GRIA2: variants seen among roughly 807,000 people sequenced by gnomAD.
The protein encoded by GRIA2 is glutamate receptor 2.
Under a neutral mutation model 97.3 loss-of-function variants are expected in GRIA2, and 14 were observed. That is an observed-to-expected ratio of 0.14 (90% confidence interval 0.10 to 0.23). The LOEUF is 0.23. Among genes scored for constraint, GRIA2 ranks in the 10% least tolerant of loss-of-function variants. GRIA2 has a pLI of 1.00. For missense variants in GRIA2, 558 were observed against 1,069.8 expected, an observed-to-expected ratio of 0.52 and a Z score of 6.67; for synonymous variants, 412 against 387.8, an observed-to-expected ratio of 1.06 and a Z score of -0.73.
chr4:157,364,794 T>C lies in GRIA2; in HGVS notation c.*1363T>C, dbSNP rs1457597268. On this transcript the variant is annotated 3_prime_UTR_variant, in exon 16 of 16. Transcript: ENST00000264426. Reference sequence around the variant, plus strand: ...TCTCCTGCAATATAGTTTCATCCCATTGACATCAATTAAAAATAACCCTAA... The same window carrying C: ...TCTCCTGCAATATAGTTTCATCCCACTGACATCAATTAAAAATAACCCTAA... 6.6e-6 allele frequency: 1 copy of C among 152,070 alleles called. No individual in the cohort carries two copies. Among genetic ancestry groups the C allele is most frequent in the Non-Finnish European group, 1.5e-5 (1 of 67,754 alleles). 9.4% of individuals were successfully genotyped at this position (152,070 alleles called of 1,614,324 possible). A position where few individuals can be genotyped will look rare whatever the true frequency, so the allele number is the denominator to read the frequency against.
rs1353912625 is a variant in GRIA2 at position 157,361,328 on chromosome 4, G to A, written c.2406+204G>A. Among the ~76,000 whole-genome samples the A allele has an allele frequency of 6.6e-6, 1 of 152,074 alleles. No homozygotes were observed. Among genetic ancestry groups the A allele is most frequent in the Non-Finnish European group, 1.5e-5 (1 of 68,036 alleles). On this transcript the variant is annotated intron_variant, in intron 14 of 15. Coordinates refer to ENST00000264426, the MANE Select transcript of GRIA2 (RefSeq NM_001083619.3). The surrounding 1 kb of genome is among the most constrained non-coding windows in gnomAD (Gnocchi z 5.2). ...TTCTCCATATCTCAAGGAAAAATTT[G>A]TAACTAATGGATTTGTTGCAAACTG...
chr4:157,269,641 A>T (rs1485177344), intron 2 of GRIA2, among the ~76,000 whole-genome samples: 2 of 152,054 alleles, frequency 1.3e-5, no homozygotes, highest in Non-Finnish European at 2.9e-5. Context: ...TTCTTTTCTT[A>T]ATAGTAGATT....
At chr4:157,296,699 A>G (rs1335769835) in intron 2 of GRIA2, among the ~76,000 whole-genome samples, 5 of 152,138 alleles carry the variant, frequency 3.3e-5, no homozygotes, top group African/African-American at 1.2e-4. Flanking sequence ...CGATTCGGGC[A>G]ACTGGGGAGT....
intron 2 of GRIA2, among the ~76,000 whole-genome samples, chr4:157,277,625 C>G (rs962492228): frequency 2.0e-5 from 3 of 151,296 alleles, no homozygotes; most frequent in Non-Finnish European, 3.0e-5. Context: ...TGTAGAAAAT[C>G]TGTATGACCT....
chr4:157,309,349 GTTTTTTT>G (rs747461041), intron 3 of GRIA2, among the ~76,000 whole-genome samples: 2 of 130,704 alleles, frequency 1.5e-5, no homozygotes, highest in African/African-American at 2.9e-5. Flanking sequence ...AAATTTCTTG[GTTTTTTT>G]TTTTTTTTTT....
chr4:157,243,104 T>C (rs1730578349), intron 2 of GRIA2, among the ~76,000 whole-genome samples: 1 of 152,136 alleles, frequency 6.6e-6, no homozygotes, highest in African/African-American at 2.4e-5. Flanking sequence ...TTGCCTTGTT[T>C]GATCTCAGCT....
rs761533874 is a variant in GRIA2, at chr4:157,336,765, T to C, written c.1844+18T>C. The C allele has an allele frequency of 3.1e-6, 5 of 1,598,370 alleles. No homozygotes were observed. The Admixed American group carries it at 8.4e-5, about 27-fold the overall frequency. On this transcript the variant is annotated intron_variant, in intron 11 of 15. Transcript: ENST00000264426. ...TCGCCAAGGTTGGTTACTCACCTGCTTCAACTTTGTGCATTTCAGGTCTCA... is the reference window on the plus strand; with the variant it reads ...TCGCCAAGGTTGGTTACTCACCTGCCTCAACTTTGTGCATTTCAGGTCTCA...
At chr4:157,228,847 C>CCCAA (rs1554005124) in intron 2 of GRIA2, among the ~76,000 whole-genome samples, 1 of 139,204 alleles carries the variant, frequency 7.2e-6, no homozygotes, top group Non-Finnish European at 1.6e-5. Context: ...CTCCCCCCAC[C>CCCAA]AAAAAAAAAC....
intron 2 of GRIA2, among the ~76,000 whole-genome samples, chr4:157,262,785 G>C (rs763841989): frequency 4.6e-5 from 7 of 151,798 alleles, no homozygotes; most frequent in African/African-American, 1.7e-4. Flanking sequence ...TAAAGAAAGG[G>C]GCAGAATAAG....
chr4:157,257,207 T>C (rs1731317981), intron 2 of GRIA2, among the ~76,000 whole-genome samples: 1 of 152,072 alleles, frequency 6.6e-6, no homozygotes, highest in South Asian at 2.1e-4. Flanking sequence ...AAAGCTGGGA[T>C]GGAATCTATC....
intron 2 of GRIA2, among the ~76,000 whole-genome samples, chr4:157,246,843 ACATACT>A (rs1393460883): frequency 6.6e-6 from 1 of 152,104 alleles, no homozygotes; most frequent in Non-Finnish European, 1.5e-5. Flanking sequence ...GTCTTAGGAA[ACATACT>A]CAGATACACA....
chr4:157,316,334 T>C (rs944974805), intron 4 of GRIA2, among the ~76,000 whole-genome samples: 1 of 152,144 alleles, frequency 6.6e-6, no homozygotes, highest in African/African-American at 2.4e-5. Context: ...TAAAACTGAG[T>C]CAGAAAACAA....
At chr4:157,221,906 G>C (rs922684665) in intron 2 of GRIA2, 99 bp downstream of exon 2, 11 of 1,049,782 alleles carry the variant, frequency 1.0e-5, no homozygotes, top group Non-Finnish European at 1.6e-5. Flanking sequence ...GTGCGTTTCT[G>C]TGTGTCAGTG....
chr4:157,283,381 A>G (rs1732695938), intron 2 of GRIA2, among the ~76,000 whole-genome samples: 1 of 152,018 alleles, frequency 6.6e-6, no homozygotes. Context: ...TGAAAATATT[A>G]GATCCATAAT....
chr4:157,258,440 A>G (rs1230301624), intron 2 of GRIA2, among the ~76,000 whole-genome samples: 1 of 152,070 alleles, frequency 6.6e-6, no homozygotes, highest in Non-Finnish European at 1.5e-5. Flanking sequence ...GCCTATTAGG[A>G]CAAGGAAATT....
At position 157,220,870 on chromosome 4, in the gene GRIA2, G is replaced by C; in HGVS notation, c.-173G>C. ...CGCAGGGCATCAGCAGCCACCAGCA[G>C]GACCTGGGAAATAGGGATTCTTCTG... On this transcript the variant is annotated 5_prime_UTR_variant, in exon 1 of 16. Coordinates refer to ENST00000264426, the MANE Select transcript of GRIA2 (RefSeq NM_001083619.3). The C allele has an allele frequency of 1.7e-6, 1 of 605,782 alleles. No homozygotes were observed. Among genetic ancestry groups the C allele is most frequent in the African/African-American group, 1.9e-5 (1 of 53,958 alleles). 37.5% of individuals were successfully genotyped at this position (605,782 alleles called of 1,614,324 possible). A position where few individuals can be genotyped will look rare whatever the true frequency, so the allele number is the denominator to read the frequency against.
chr4:157,283,827 A>G (rs1732718529), intron 2 of GRIA2, among the ~76,000 whole-genome samples: 1 of 151,894 alleles, frequency 6.6e-6, no homozygotes, highest in East Asian at 1.9e-4. Flanking sequence ...AATAGAGATA[A>G]GATTTATTTT....
chr4:157,232,423 G>T (rs549006102), intron 2 of GRIA2, among the ~76,000 whole-genome samples: 1 of 152,272 alleles, frequency 6.6e-6, no homozygotes, highest in East Asian at 1.9e-4. Context: ...TCTGCTGTTT[G>T]TGAGAAATTG....
chr4:157,328,824 CTT>C (rs1248520055), intron 6 of GRIA2, among the ~76,000 whole-genome samples: 3 of 151,948 alleles, frequency 2.0e-5, no homozygotes, highest in African/African-American at 7.2e-5. Context: ...CCTGAAGACT[CTT>C]TCTTCACAGA....
Sources: allele counts gnomAD v4.1 joint callset (sites outside exome capture counted in the v4.1 genomes callset), GRCh38; gene constraint gnomAD v4.1.1; non-coding constraint Gnocchi (gnomAD v3.1); transcripts MANE v1.5; gene names NCBI Gene and HGNC (gene_info 2026-07-23, HGNC 2026-07-21).